DCDC1: variants seen among roughly 807,000 people sequenced by gnomAD.
The protein encoded by DCDC1 is doublecortin domain-containing protein 1.
DCDC1 carries 200 observed loss-of-function variants against 178.3 expected under a neutral mutation model. That is an observed-to-expected ratio of 1.12 (90% confidence interval 1.00 to 1.26). DCDC1 has a LOEUF of 1.26. Ranked by LOEUF, DCDC1 falls within the 50% of genes most tolerant of loss-of-function variation. The pLI is 0.00. For missense variants in DCDC1, 1,983 were observed against 1,749.2 expected (o/e 1.13, Z -2.38); for synonymous variants, 690 against 604.8 (o/e 1.14, Z -2.07).
At chr11:31,279,304 C>G (rs1338503976) in intron 7 of DCDC1, among the ~76,000 whole-genome samples, 1 of 151,562 alleles carries the variant, frequency 6.6e-6, no homozygotes, top group Non-Finnish European at 1.5e-5. Context: ...GGCAAAAGCA[C>G]TATTCCCGAT....
At chr11:31,102,639 G>A (rs1958586942) in intron 14 of DCDC1, among the ~76,000 whole-genome samples, 2 of 152,196 alleles carry the variant, frequency 1.3e-5, no homozygotes, top group South Asian at 4.1e-4. Flanking sequence ...TTATAGCTAG[G>A]TGGGAACTTA....
At chr11:31,115,979 A>ATTGG (rs2135843146) in intron 11 of DCDC1, among the ~76,000 whole-genome samples, 1 of 9,860 alleles carries the variant, frequency 1.0e-4, no homozygotes, top group African/African-American at 3.9e-4. Context: ...TAGCTGTGGC[A>ATTGG]GTGGGGGGGG....
chr11:31,118,491 A>G (rs1220852285), intron 11 of DCDC1, among the ~76,000 whole-genome samples: 1 of 152,200 alleles, frequency 6.6e-6, no homozygotes, highest in Non-Finnish European at 1.5e-5. Flanking sequence ...TATGCTCGAT[A>G]ACGTTCATGG....
At chr11:31,189,520 C>A (rs1434911517) in intron 9 of DCDC1, among the ~76,000 whole-genome samples, 1 of 152,140 alleles carries the variant, frequency 6.6e-6, no homozygotes, top group Non-Finnish European at 1.5e-5. Flanking sequence ...CAAAACCATG[C>A]AAATTAATTA....
At chr11:30,992,534 T>C (rs1251259515) in intron 20 of DCDC1, 2 of 152,180 alleles carry the variant, frequency 1.3e-5, no homozygotes, top group African/African-American at 4.8e-5. Context: ...AGAAATTGCC[T>C]TCCAAGTATT....
intron 8 of DCDC1, among the ~76,000 whole-genome samples, chr11:31,261,475 A>G (rs1045088755): frequency 2.0e-5 from 3 of 152,200 alleles, no homozygotes; most frequent in African/African-American, 7.2e-5. Flanking sequence ...GTATGAATGA[A>G]AAACATTTTT....
intron 8 of DCDC1, among the ~76,000 whole-genome samples, chr11:31,243,769 G>C (rs1451967203): frequency 2.0e-5 from 3 of 151,762 alleles, no homozygotes; most frequent in Non-Finnish European, 4.4e-5. Flanking sequence ...GAATACTATG[G>C]AAACCAGAAA....
At chr11:31,178,413 C>G (rs1188318329) in intron 9 of DCDC1, among the ~76,000 whole-genome samples, 3 of 152,092 alleles carry the variant, frequency 2.0e-5, no homozygotes, top group Non-Finnish European at 4.4e-5. Flanking sequence ...AATGTAAAGC[C>G]TGAAACTACT....
At chr11:30,959,890 TG>T in intron 20 of DCDC1, among the ~76,000 whole-genome samples, 1 of 152,282 alleles carries the variant, frequency 6.6e-6, no homozygotes, top group Admixed American at 6.5e-5. Flanking sequence ...ACACTCCACC[TG>T]GTACTTTATT....
intron 1 of DCDC1, among the ~76,000 whole-genome samples, chr11:31,338,683 G>T (rs1456409322): frequency 2.6e-5 from 4 of 152,178 alleles, no homozygotes; most frequent in Non-Finnish European, 4.4e-5. Flanking sequence ...CACCAAAGAA[G>T]GGGGTATGGG....
chr11:30,998,462 C>T (rs566016413), intron 20 of DCDC1, among the ~76,000 whole-genome samples: 1 of 151,880 alleles, frequency 6.6e-6, no homozygotes, highest in South Asian at 2.1e-4. Context: ...AAGTAAATAT[C>T]CATCAGTCCA....
chr11:31,175,027 G>A (rs986333732), intron 9 of DCDC1, among the ~76,000 whole-genome samples: 1 of 152,204 alleles, frequency 6.6e-6, no homozygotes, highest in Non-Finnish European at 1.5e-5. Context: ...CCAAATTGCA[G>A]TCGACAAGAA....
chr11:31,085,156 T>G (rs559691227), intron 17 of DCDC1, among the ~76,000 whole-genome samples: 44 of 151,018 alleles, frequency 2.9e-4, no homozygotes, highest in Non-Finnish European at 6.0e-4. Flanking sequence ...TTTTCTTAAT[T>G]GTTTTTAAGG....
intron 10 of DCDC1, among the ~76,000 whole-genome samples, chr11:31,128,911 T>C (rs957502973): frequency 6.6e-6 from 1 of 152,196 alleles, no homozygotes; most frequent in African/African-American, 2.4e-5. Flanking sequence ...TCTATCACTA[T>C]TTCACATGAG....
chr11:31,326,142 C>T (rs1235496265), intron 3 of DCDC1, among the ~76,000 whole-genome samples: 1 of 151,908 alleles, frequency 6.6e-6, no homozygotes, highest in Admixed American at 6.6e-5. Context: ...TTGATGGTAA[C>T]AGGCAATAGT....
chr11:31,213,029 T>C (rs1972806542), intron 9 of DCDC1, among the ~76,000 whole-genome samples: 2 of 151,666 alleles, frequency 1.3e-5, no homozygotes, highest in Non-Finnish European at 2.9e-5. Flanking sequence ...TCACTTGCTC[T>C]TCCTTATTAG....
chr11:30,925,853 T>C (rs746520128), intron 22 of DCDC1, among the ~76,000 whole-genome samples: 4 of 152,182 alleles, frequency 2.6e-5, no homozygotes, highest in Non-Finnish European at 5.9e-5. Flanking sequence ...TCCAAGGTTG[T>C]CAAAGTCTAA....
At position 30,898,608 on chromosome 11, in the gene DCDC1, T is replaced by C. The variant is rs1402536274; in HGVS notation, c.4765+933A>G. Reference sequence around the variant, plus strand: ...CATTGGTGTTGGGGTAGTATGACAGTTGTAGTTTTGGAAATGTCCATGGAA... The same window carrying C: ...CATTGGTGTTGGGGTAGTATGACAGCTGTAGTTTTGGAAATGTCCATGGAA... On this transcript the variant is annotated intron_variant, in intron 34 of 38. Transcript: ENST00000684477. 5.9e-5 allele frequency among the ~76,000 whole-genome samples: 9 copies of C among 152,284 alleles called. No homozygotes were observed. In the South Asian group the frequency reaches 1.7e-3, roughly 28 times the overall value.
chr11:30,951,333 T>A (rs765338192), intron 21 of DCDC1, among the ~76,000 whole-genome samples: 1 of 152,268 alleles, frequency 6.6e-6, no homozygotes. Flanking sequence ...TCAGTGATGA[T>A]GTATTTGCTT....
Sources: allele counts gnomAD v4.1 joint callset (sites outside exome capture counted in the v4.1 genomes callset), GRCh38; gene constraint gnomAD v4.1.1; transcripts MANE v1.5; gene names NCBI Gene and HGNC (gene_info 2026-07-23, HGNC 2026-07-21).